MAST4: variants seen among roughly 807,000 people sequenced by gnomAD.
The protein encoded by MAST4 is microtubule associated serine/threonine kinase family member 4.
Under a neutral mutation model 162.7 loss-of-function variants are expected in MAST4, and 89 were observed. That is an observed-to-expected ratio of 0.55 (90% CI 0.46 to 0.65). MAST4 has a LOEUF of 0.65. Ranked by LOEUF, MAST4 falls within the 30% of genes least tolerant of loss-of-function variation. The pLI, the probability that MAST4 is intolerant of heterozygous loss-of-function variation, is 0.00. For missense variants in MAST4, 3,153 were observed against 3,374.0 expected, an observed-to-expected ratio of 0.93 and a Z score of 1.62; for synonymous variants, 1,479 against 1,361.1, an observed-to-expected ratio of 1.09 and a Z score of -1.91.
chr5:67,068,105 T>C (rs1760463691), intron 5 of MAST4, among the ~76,000 whole-genome samples: 1 of 152,146 alleles, frequency 6.6e-6, no homozygotes, highest in Non-Finnish European at 1.5e-5. Context: ...TGAAGATGCC[T>C]TCTAGAAGAA....
chr5:66,797,177 G>A (rs958527690), intron 3 of MAST4, among the ~76,000 whole-genome samples: 2 of 152,142 alleles, frequency 1.3e-5, no homozygotes, highest in African/African-American at 2.4e-5. Context: ...CAGCATTGAC[G>A]TGTTTGCTAT....
At chr5:66,869,310 C>T (rs1451220614) in intron 3 of MAST4, among the ~76,000 whole-genome samples, 1 of 152,184 alleles carries the variant, frequency 6.6e-6, no homozygotes, top group East Asian at 1.9e-4. Flanking sequence ...CTGTATTTCT[C>T]ATGTGAAAAC....
At chr5:66,758,036 G>C (rs1408030554) in intron 1 of MAST4, among the ~76,000 whole-genome samples, 1 of 151,738 alleles carries the variant, frequency 6.6e-6, no homozygotes, top group East Asian at 1.9e-4. Flanking sequence ...GATAAGTTCA[G>C]CTCTGCATTT....
intron 5 of MAST4, among the ~76,000 whole-genome samples, chr5:67,059,524 G>A (rs1396488705): frequency 1.3e-5 from 2 of 152,178 alleles, no homozygotes; most frequent in Non-Finnish European, 2.9e-5. Context: ...CTCTAAGAGT[G>A]ATACTTAAGA....
intron 1 of MAST4, among the ~76,000 whole-genome samples, chr5:66,633,357 C>G (rs1038034489): frequency 2.0e-5 from 3 of 152,204 alleles, no homozygotes; most frequent in African/African-American, 7.2e-5. Flanking sequence ...GTGTACTTGA[C>G]TGGCACCCGA....
intron 1 of MAST4, among the ~76,000 whole-genome samples, chr5:66,630,713 C>A (rs1744740823): frequency 6.6e-6 from 1 of 152,096 alleles, no homozygotes; most frequent in South Asian, 2.1e-4. Flanking sequence ...TTTGAGAAAA[C>A]ATTATTTCAT....
intron 4 of MAST4, among the ~76,000 whole-genome samples, chr5:67,000,764 G>C (rs978388771): frequency 1.3e-5 from 2 of 151,316 alleles, no homozygotes; most frequent in Admixed American, 6.6e-5. Context: ...AAAGGGGGGG[G>C]GTGGCTTGTG....
At chr5:67,047,961 CTGATTTACA>C (rs1306078620) in intron 4 of MAST4, among the ~76,000 whole-genome samples, 2 of 152,108 alleles carry the variant, frequency 1.3e-5, no homozygotes, top group South Asian at 4.1e-4. Context: ...AAAGGGTCGA[CTGATTTACA>C]TGAGAAAGAC....
chr5:66,954,771 T>G (rs1745098965), intron 4 of MAST4, among the ~76,000 whole-genome samples: 1 of 151,956 alleles, frequency 6.6e-6, no homozygotes, highest in South Asian at 2.1e-4. Flanking sequence ...TGTGATGACA[T>G]GTGCCTGTAG....
intron 5 of MAST4, among the ~76,000 whole-genome samples, chr5:67,084,979 A>G (rs1212117191): frequency 1.3e-5 from 2 of 152,376 alleles, no homozygotes; most frequent in East Asian, 3.9e-4. Flanking sequence ...TAAATGTAAC[A>G]TCGTTACATA....
chr5:66,909,861 TAATGGTTTTATA>T (rs1383427125), intron 4 of MAST4, among the ~76,000 whole-genome samples: 1 of 152,198 alleles, frequency 6.6e-6, no homozygotes, highest in East Asian at 1.9e-4. Flanking sequence ...TCACAAGATC[TAATGGTTTTATA>T]AATGGGAGTT....
At chr5:67,024,310 GATAT>G (rs1319513311) in intron 4 of MAST4, among the ~76,000 whole-genome samples, 1 of 140,834 alleles carries the variant, frequency 7.1e-6, no homozygotes, top group Non-Finnish European at 1.5e-5. Flanking sequence ...AAACAAGGAA[GATAT>G]ATATATATAT....
intron 1 of MAST4, among the ~76,000 whole-genome samples, chr5:66,673,530 G>GTTTTTTTTT (rs11376867): frequency 1.9e-5 from 2 of 106,548 alleles, no homozygotes; most frequent in Admixed American, 1.1e-4. Context: ...TTTGTTTTTT[G>GTTTTTTTTT]TTTTTTTTTT....
At position 67,164,248 on chromosome 5, in the gene MAST4, G is replaced by T; in HGVS notation, c.5069G>T (p.Arg1690Leu). 6.2e-7 allele frequency: 1 copy of T among 1,613,966 alleles called. No homozygotes were observed. The highest frequency in any genetic ancestry group is 1.1e-5 in the South Asian group (1 of 91,054). Residue 1690 changes from arginine to leucine, a missense_variant, in exon 29 of 29, where the codon CGA (arginine) becomes CTA (leucine). Coordinates refer to ENST00000403625, the MANE Select transcript of MAST4 (RefSeq NM_001164664.2). This position sits in a 1 kb window ranked among gnomAD's most constrained non-coding sequence, Gnocchi z 5.3. Reference sequence around the variant, plus strand: ...AAGCTGGCCAACATCGATTACCTCCGAAAGAAAATGTCACTTGAGGACAAA... The same window carrying T: ...AAGCTGGCCAACATCGATTACCTCCTAAAGAAAATGTCACTTGAGGACAAA... Reference protein sequence around the residue: ...DSKLANIDYLRKKMSLEDKED... With the variant: ...DSKLANIDYLLKKMSLEDKED...
chr5:67,054,604 C>T, intron 5 of MAST4, 112 bp downstream of exon 5: 1 of 959,528 alleles, frequency 1.0e-6, no homozygotes, highest in Non-Finnish European at 1.5e-6. Flanking sequence ...CTTTGTTTTC[C>T]TGCTGTTTTA....
intron 4 of MAST4, among the ~76,000 whole-genome samples, chr5:66,967,356 G>A (rs1428547967): frequency 6.6e-6 from 1 of 152,156 alleles, no homozygotes; most frequent in African/African-American, 2.4e-5. Flanking sequence ...TCCAGGCCAG[G>A]CTTCCTGAAG....
At chr5:66,653,063 ATT>A (rs566928310) in intron 1 of MAST4, among the ~76,000 whole-genome samples, 67 of 152,204 alleles carry the variant, frequency 4.4e-4, no homozygotes, top group African/African-American at 1.6e-3. Context: ...TCCATAATAG[ATT>A]TTCAGTAGTT....
intron 6 of MAST4, chr5:67,094,147 C>T: frequency 3.3e-6 from 5 of 1,493,186 alleles, no homozygotes; most frequent in Non-Finnish European, 4.6e-6. Context: ...GTACTCCAAT[C>T]ATGGTACAGA....
chr5:66,680,067 C>T (rs963456504), intron 1 of MAST4, among the ~76,000 whole-genome samples: 10 of 152,172 alleles, frequency 6.6e-5, no homozygotes, highest in Non-Finnish European at 1.3e-4. Context: ...AGCCTTCTAT[C>T]CTTAGCAGAG....
Sources: allele counts gnomAD v4.1 joint callset (sites outside exome capture counted in the v4.1 genomes callset), GRCh38; gene constraint gnomAD v4.1.1; non-coding constraint Gnocchi (gnomAD v3.1); transcripts MANE v1.5; gene names NCBI Gene and HGNC (gene_info 2026-07-23, HGNC 2026-07-21).